The following PCOLCE2 variants were observed in gnomAD, a reference collection of about 807,000 sequenced individuals.
PCOLCE2 encodes procollagen C-proteinase enhancer 2.
In PCOLCE2, 42 loss-of-function variants were observed where a neutral mutation model predicts 47.0. That is an observed-to-expected ratio of 0.89 (90% confidence interval 0.70 to 1.16). The LOEUF (loss-of-function observed/expected upper bound fraction) is 1.16. PCOLCE2 is among the 50% of genes most tolerant of loss of function. The pLI, the probability that PCOLCE2 is intolerant of heterozygous loss-of-function variation, is 0.00. For missense variants in PCOLCE2, 500 were observed against 526.1 expected (o/e 0.95, Z 0.49); for synonymous variants, 169 against 191.7 (o/e 0.88, Z 0.98).
At chr3:142,870,706 ATTTTT>A (rs200280430) in intron 2 of PCOLCE2, among the ~76,000 whole-genome samples, 6 of 135,384 alleles carry the variant, frequency 4.4e-5, no homozygotes, top group African/African-American at 1.7e-4. Flanking sequence ...GAATGAGGCA[ATTTTT>A]TTTTTTTTTT....
At chr3:142,883,821 T>C (rs1933671861) in intron 2 of PCOLCE2, among the ~76,000 whole-genome samples, 1 of 152,230 alleles carries the variant, frequency 6.6e-6, no homozygotes, top group Non-Finnish European at 1.5e-5. Context: ...ATTGATGATT[T>C]GCCGAGTTTG....
intron 4 of PCOLCE2, among the ~76,000 whole-genome samples, chr3:142,839,905 A>G (rs1937247367): frequency 1.3e-5 from 2 of 152,374 alleles, no homozygotes; most frequent in South Asian, 4.1e-4. Context: ...ATACCTTAAT[A>G]GAAGCTAATA....
At chr3:142,878,660 G>C (rs1022962413) in intron 2 of PCOLCE2, among the ~76,000 whole-genome samples, 2 of 152,152 alleles carry the variant, frequency 1.3e-5, no homozygotes, top group African/African-American at 2.4e-5. Flanking sequence ...AGGAGTTTGA[G>C]ATCAGTCAAC....
chr3:142,884,284 G>C (rs575794461), intron 2 of PCOLCE2, among the ~76,000 whole-genome samples: 1 of 152,226 alleles, frequency 6.6e-6, no homozygotes, highest in South Asian at 2.1e-4. Context: ...ATTGGTTCTG[G>C]TTCTTAAATA....
intron 2 of PCOLCE2, among the ~76,000 whole-genome samples, chr3:142,882,971 C>T (rs953763763): frequency 2.0e-5 from 3 of 151,838 alleles, no homozygotes; most frequent in African/African-American, 4.8e-5. Flanking sequence ...GAGGCCGAGG[C>T]GGGTGGATCA....
At chr3:142,860,861 A>G (rs1474478982) in intron 2 of PCOLCE2, among the ~76,000 whole-genome samples, 1 of 152,132 alleles carries the variant, frequency 6.6e-6, no homozygotes, top group African/African-American at 2.4e-5. Flanking sequence ...CCCTCTATCC[A>G]GTCTGGACTG....
At chr3:142,825,201 G>A (rs13089614) in intron 6 of PCOLCE2, among the ~76,000 whole-genome samples, 12,703 of 152,050 alleles carry the variant, frequency 0.084, 597 homozygotes, top group East Asian at 0.16. Context: ...CTGATGGTGA[G>A]CGCCCTTTCC....
rs540320912 is a variant in PCOLCE2 at position 142,878,864 on chromosome 3, A to C, written c.192+8805T>G. On this transcript the variant is annotated intron_variant, in intron 2 of 8. Transcript: ENST00000295992. ...TGAGACTTTGTCTCAAAAAAAAAAA[A>C]CCCGAAAGAACTTCTTAGAATTAGG... Among the ~76,000 whole-genome samples, 14 of 151,946 alleles carry C rather than the reference A, an allele frequency of 9.2e-5. No homozygotes were observed. In the South Asian group the frequency reaches 1.5e-3, roughly 16 times the overall value.
intron 2 of PCOLCE2, among the ~76,000 whole-genome samples, chr3:142,852,011 T>C (rs538962129): frequency 5.3e-5 from 8 of 152,272 alleles, no homozygotes; most frequent in Admixed American, 2.6e-4. Flanking sequence ...TGATCAGCAA[T>C]AGAAACTGGG....
At chr3:142,861,337 C>T (rs998382373) in intron 2 of PCOLCE2, among the ~76,000 whole-genome samples, 19 of 152,084 alleles carry the variant, frequency 1.2e-4, no homozygotes, top group African/African-American at 3.6e-4. Flanking sequence ...TTGATAACTC[C>T]CTCCTCTCCA....
At chr3:142,879,889 T>C (rs1343752262) in intron 2 of PCOLCE2, among the ~76,000 whole-genome samples, 2 of 144,580 alleles carry the variant, frequency 1.4e-5, no homozygotes, top group Admixed American at 1.5e-4. Context: ...GAGAATAGTG[T>C]GAACCCAGGA....
Position 142,829,847 on chromosome 3 carries a change from C to T in PCOLCE2, c.711-1G>A. ...TTCATTTCTCTCAGACACAATTGGC[C>T]TAAAAAAAGAAAAATGTGTTTTTTT... On this transcript the variant is annotated splice_acceptor_variant, in intron 5 of 8. Coordinates refer to ENST00000295992, the MANE Select transcript of PCOLCE2 (RefSeq NM_013363.4). LOFTEE classifies it high-confidence loss of function. 5 of 1,538,616 alleles carry T rather than the reference C, an allele frequency of 3.2e-6. No homozygotes were observed. The highest frequency in any genetic ancestry group is 4.4e-6 in the Non-Finnish European group (5 of 1,136,720).
intron 2 of PCOLCE2, among the ~76,000 whole-genome samples, chr3:142,884,419 C>T (rs757030359): frequency 9.9e-5 from 15 of 152,172 alleles, no homozygotes; most frequent in African/African-American, 2.7e-4. Context: ...CTCATACCCA[C>T]GTCCCCGTAT....
At chr3:142,880,225 T>A (rs377370116) in intron 2 of PCOLCE2, among the ~76,000 whole-genome samples, 4 of 150,506 alleles carry the variant, frequency 2.7e-5, no homozygotes, top group East Asian at 3.9e-4. Context: ...GCAACCAATG[T>A]ATACATATAC....
chr3:142,840,638 T>C (rs1212649211), intron 4 of PCOLCE2, among the ~76,000 whole-genome samples: 1 of 152,244 alleles, frequency 6.6e-6, no homozygotes, highest in Non-Finnish European at 1.5e-5. Context: ...GTGCCAGTGA[T>C]AGGTGAATAA....
At chr3:142,869,074 G>C (rs1389778886) in intron 2 of PCOLCE2, among the ~76,000 whole-genome samples, 2 of 152,010 alleles carry the variant, frequency 1.3e-5, no homozygotes, top group Non-Finnish European at 2.9e-5. Flanking sequence ...GGTGGATCAC[G>C]AGGTCAGGAG....
chr3:142,863,113 A>T (rs943719672), intron 2 of PCOLCE2, among the ~76,000 whole-genome samples: 2 of 151,626 alleles, frequency 1.3e-5, no homozygotes, highest in African/African-American at 2.4e-5. Flanking sequence ...AAAAAAAAAA[A>T]AAAAAAGACA....
chr3:142,876,006 C>A (rs762599570), intron 2 of PCOLCE2, among the ~76,000 whole-genome samples: 1 of 152,174 alleles, frequency 6.6e-6, no homozygotes, highest in Non-Finnish European at 1.5e-5. Flanking sequence ...CTGTCTGCTG[C>A]CACATAATAA....
chr3:142,833,218 TCACTCTGTCG>T (rs1326747598), intron 5 of PCOLCE2, among the ~76,000 whole-genome samples: 15 of 152,172 alleles, frequency 9.9e-5, no homozygotes, highest in Non-Finnish European at 4.4e-5. Context: ...AGACAAGGTC[TCACTCTGTCG>T]CCCAGGCTGG....
Sources: allele counts gnomAD v4.1 joint callset (sites outside exome capture counted in the v4.1 genomes callset), GRCh38; gene constraint gnomAD v4.1.1; transcripts MANE v1.5; gene names NCBI Gene and HGNC (gene_info 2026-07-23, HGNC 2026-07-21).